NRCAM: variants seen among roughly 807,000 people sequenced by gnomAD.
NRCAM encodes neuronal cell adhesion molecule.
NRCAM carries 83 observed loss-of-function variants against 156.5 expected under a neutral mutation model. The observed-to-expected ratio is 0.53, with a 90% CI of 0.44 to 0.64. The LOEUF is 0.64. NRCAM is among the 30% of genes least tolerant of loss of function. The pLI, the probability that NRCAM is intolerant of heterozygous loss-of-function variation, is 0.00. For synonymous variants in NRCAM, 538 were observed against 563.9 expected (o/e 0.95, Z 0.65); for missense variants, 1,417 against 1,597.3 (o/e 0.89, Z 1.92).
chr7:108,212,937 T>C (rs1294075049), intron 11 of NRCAM, among the ~76,000 whole-genome samples: 4 of 152,128 alleles, frequency 2.6e-5, no homozygotes, highest in East Asian at 1.9e-4. Context: ...TCCAGGCACA[T>C]TGTCATCAGG....
intron 1 of NRCAM, among the ~76,000 whole-genome samples, chr7:108,411,122 TTTC>T (rs1794860720): frequency 6.6e-6 from 1 of 152,228 alleles, no homozygotes; most frequent in African/African-American, 2.4e-5. Context: ...GCATTTATTT[TTTC>T]TTCAATTCAT....
Position 108,348,434 on chromosome 7 carries a change from T to C in NRCAM, c.-173-35703A>G, listed in dbSNP as rs564234290. 5.5e-4 allele frequency among the ~76,000 whole-genome samples: 84 copies of C among 152,264 alleles called. No individual in the cohort carries two copies. In the South Asian group the frequency reaches 0.014, roughly 25 times the overall value. On this transcript the variant is annotated intron_variant, in intron 2 of 32. Coordinates refer to ENST00000379028, the MANE Select transcript of NRCAM (RefSeq NM_001037132.4). Reference sequence around the variant, plus strand: ...CAAGTAAGGAGATTGGCTGTTATCCTTGGGCAGGGAACAGGAGCTTCAGAA... The same window carrying C: ...CAAGTAAGGAGATTGGCTGTTATCCCTGGGCAGGGAACAGGAGCTTCAGAA...
chr7:108,295,462 T>G (rs1033866372), intron 3 of NRCAM, among the ~76,000 whole-genome samples: 1 of 152,170 alleles, frequency 6.6e-6, no homozygotes, highest in Non-Finnish European at 1.5e-5. Flanking sequence ...GACCTACTTC[T>G]TGGTTCACAG....
chr7:108,186,169 G>A (rs1241338215), intron 20 of NRCAM, among the ~76,000 whole-genome samples: 1 of 152,186 alleles, frequency 6.6e-6, no homozygotes, highest in African/African-American at 2.4e-5. Context: ...TATATGTCTT[G>A]CAGTGGTTCA....
intron 2 of NRCAM, among the ~76,000 whole-genome samples, chr7:108,355,053 A>G (rs2099478228): frequency 1.3e-5 from 2 of 152,376 alleles, no homozygotes; most frequent in South Asian, 4.1e-4. Context: ...AGGGTTTTAG[A>G]GAGCTCTGCT....
At chr7:108,341,197 C>T (rs2099272589) in intron 2 of NRCAM, among the ~76,000 whole-genome samples, 3 of 152,254 alleles carry the variant, frequency 2.0e-5, no homozygotes, top group African/African-American at 4.8e-5. Flanking sequence ...TCCTCTGAGT[C>T]AGAAGCCACT....
intron 1 of NRCAM, among the ~76,000 whole-genome samples, chr7:108,409,185 T>C (rs1057309134): frequency 1.3e-5 from 2 of 152,116 alleles, no homozygotes; most frequent in Admixed American, 6.6e-5. Flanking sequence ...TTAAGAGAAA[T>C]GTAACCTGCA....
At chr7:108,392,524 C>T (rs1753262535) in intron 2 of NRCAM, among the ~76,000 whole-genome samples, 1 of 152,166 alleles carries the variant, frequency 6.6e-6, no homozygotes, top group Admixed American at 6.5e-5. Context: ...TGAACATCCT[C>T]CTTTAGCTCA....
intron 13 of NRCAM, among the ~76,000 whole-genome samples, chr7:108,199,312 A>C (rs2076733655): frequency 6.6e-6 from 1 of 152,178 alleles, no homozygotes; most frequent in Non-Finnish European, 1.5e-5. Context: ...ACCATAGTAC[A>C]TCCTTGTTTT....
chr7:108,187,590 G>A (rs427592), intron 20 of NRCAM, among the ~76,000 whole-genome samples: 110,852 of 151,754 alleles, frequency 0.73, 41,858 homozygotes, highest in East Asian at 0.97. Context: ...TATAAACACA[G>A]TCATATGTAT....
chr7:108,393,421 A>T (rs2099767515), intron 2 of NRCAM, among the ~76,000 whole-genome samples: 1 of 152,160 alleles, frequency 6.6e-6, no homozygotes, highest in East Asian at 1.9e-4. Context: ...CCGTTTGCTA[A>T]GACCTTTGGA....
chr7:108,316,788 C>CAA (rs35502722), intron 2 of NRCAM, among the ~76,000 whole-genome samples: 24 of 124,878 alleles, frequency 1.9e-4, no homozygotes, highest in Middle Eastern at 4.1e-3. Flanking sequence ...GACTCCATCT[C>CAA]AAAAAAAAAA....
At chr7:108,223,002 T>C (rs2092715218) in intron 11 of NRCAM, among the ~76,000 whole-genome samples, 1 of 152,180 alleles carries the variant, frequency 6.6e-6, no homozygotes, top group Admixed American at 6.5e-5. Context: ...CTAAGTTATT[T>C]CAAAGAATCT....
At chr7:108,270,599 C>T (rs928701154) in intron 3 of NRCAM, among the ~76,000 whole-genome samples, 5 of 152,004 alleles carry the variant, frequency 3.3e-5, no homozygotes, top group Non-Finnish European at 7.4e-5. Context: ...TCCATAGCAA[C>T]GACATTATTC....
At position 108,177,440 on chromosome 7, in the gene NRCAM, G is replaced by A. The variant is rs532455233; in HGVS notation, c.2974+550C>T. Among the ~76,000 whole-genome samples, 22 of 152,176 alleles carry A rather than the reference G, an allele frequency of 1.4e-4. No homozygotes were observed. In the South Asian group the frequency reaches 4.4e-3, roughly 30 times the overall value. On this transcript the variant is annotated intron_variant, in intron 26 of 32. Transcript: ENST00000379028. ...AGATCAAGACCATCCTGGCTAACAT[G>A]GTGAAACCCCGTCTCTACTAAAAAT...
chr7:108,382,748 A>C (rs903708287), intron 2 of NRCAM, among the ~76,000 whole-genome samples: 6 of 152,174 alleles, frequency 3.9e-5, no homozygotes, highest in African/African-American at 1.4e-4. Flanking sequence ...AGAGCAGCCC[A>C]AGTTTAGTAT....
At chr7:108,316,317 C>T (rs1233657082) in intron 2 of NRCAM, among the ~76,000 whole-genome samples, 1 of 152,166 alleles carries the variant, frequency 6.6e-6, no homozygotes, top group Non-Finnish European at 1.5e-5. Flanking sequence ...AGGCCCTCAC[C>T]AGATGCAGGC....
intron 3 of NRCAM, among the ~76,000 whole-genome samples, chr7:108,277,470 T>C (rs1323168863): frequency 1.3e-5 from 2 of 152,126 alleles, no homozygotes; most frequent in East Asian, 1.9e-4. Context: ...GTCTTCTCGC[T>C]TTATTTCATT....
chr7:108,264,677 G>C (rs1302211222), intron 3 of NRCAM, among the ~76,000 whole-genome samples: 4 of 152,190 alleles, frequency 2.6e-5, no homozygotes, highest in African/African-American at 7.2e-5. Context: ...CTTCTTGGTA[G>C]TTAAGACTAA....
Sources: gnomAD v4.1 joint callset for allele counts (sites outside exome capture counted in the v4.1 genomes callset) on GRCh38, gnomAD v4.1.1 for gene constraint, MANE v1.5 for transcripts, NCBI Gene and HGNC (gene_info 2026-07-23, HGNC 2026-07-21) for gene names.